CLEC2A: variants seen among roughly 807,000 people sequenced by gnomAD.
CLEC2A encodes C-type lectin domain family 2 member A.
A neutral mutation model predicts 18.6 loss-of-function variants in CLEC2A; 19 were observed. The observed-to-expected ratio is 1.02, with a 90% confidence interval of 0.71 to 1.50. CLEC2A has a LOEUF of 1.50. CLEC2A is among the 40% of genes most tolerant of loss of function. CLEC2A has a pLI of 0.00. For synonymous variants in CLEC2A, 74 were observed against 64.0 expected (o/e 1.16, Z -0.75); for missense variants, 190 against 207.9 (o/e 0.91, Z 0.53).
intron 4 of CLEC2A, among the ~76,000 whole-genome samples, chr12:9,901,554 A>C (rs988108925): frequency 6.6e-6 from 1 of 152,194 alleles, no homozygotes; most frequent in African/African-American, 2.4e-5. Flanking sequence ...ATTGAACAAC[A>C]TTTTGGCAAT....
chr12:9,927,280 C>T (rs536749822), intron 1 of CLEC2A, among the ~76,000 whole-genome samples: 5 of 152,156 alleles, frequency 3.3e-5, no homozygotes, highest in Admixed American at 6.5e-5. Flanking sequence ...TAAATGCTTG[C>T]GTCTAAACAT....
chr12:9,897,864 C>T (rs1229793486), downstream of CLEC2A, among the ~76,000 whole-genome samples: 3 of 152,158 alleles, frequency 2.0e-5, no homozygotes, highest in Non-Finnish European at 4.4e-5. Flanking sequence ...ATCTATCATA[C>T]ACGTTTTCTA....
chr12:9,929,891 C>T (rs1315069111), intron 1 of CLEC2A, among the ~76,000 whole-genome samples: 1 of 151,884 alleles, frequency 6.6e-6, no homozygotes, highest in African/African-American at 2.4e-5. Flanking sequence ...TTCTATAATT[C>T]TATAATTATT....
chr12:9,898,994 C>G, intron 4 of CLEC2A: 1 of 711,058 alleles, frequency 1.4e-6, no homozygotes, highest in Non-Finnish European at 2.6e-6. Flanking sequence ...CAAGAACAGA[C>G]AAACCGGATT....
At chr12:9,899,454 G>C (rs1432125282) in intron 4 of CLEC2A, among the ~76,000 whole-genome samples, 5 of 152,192 alleles carry the variant, frequency 3.3e-5, no homozygotes, top group African/African-American at 1.2e-4. Flanking sequence ...TTTGAAAGGG[G>C]CACAGACTGA....
At chr12:9,925,421 T>C (rs564908135) in intron 2 of CLEC2A, among the ~76,000 whole-genome samples, 27 of 152,348 alleles carry the variant, frequency 1.8e-4, no homozygotes, top group Admixed American at 1.8e-3. Context: ...ATTAGAGTTA[T>C]ACAGCCAAGG....
At chr12:9,895,545 T>C (rs575375041), downstream of CLEC2A, 25 of 661,510 alleles carry the variant, frequency 3.8e-5, no homozygotes, top group East Asian at 6.7e-4. Context: ...AGAGGCTGCA[T>C]TAGCAATGAA....
intron 4 of CLEC2A, among the ~76,000 whole-genome samples, chr12:9,914,334 A>T (rs1216322609): frequency 1.3e-5 from 2 of 152,198 alleles, no homozygotes; most frequent in Non-Finnish European, 2.9e-5. Flanking sequence ...ACTACCTTTG[A>T]CATTCTCCAC....
the CLEC2A span, among the ~76,000 whole-genome samples, chr12:9,892,817 C>G: frequency 6.6e-6 from 1 of 151,392 alleles, no homozygotes; most frequent in Non-Finnish European, 1.5e-5. Flanking sequence ...CTCCCGACCT[C>G]AGGTGATCCA....
In CLEC2A at chr12:9,916,870, C is replaced by A. The variant is rs562093449; in HGVS notation, c.307-67G>T. ...ACAGCACATTGCTGAACATGCTTCC[C>A]ACCCCAATTATTCTATCTTTTAGGA... On this transcript the variant is annotated intron_variant, in intron 3 of 4. Transcript: ENST00000455827. The A allele has an allele frequency of 5.9e-5, 53 of 901,532 alleles. No homozygotes were observed. In the African/African-American group the frequency reaches 7.7e-4, roughly 13 times the overall value. The allele number at this position is 901,532 out of a possible 1,614,324, so 55.8% of individuals were successfully genotyped here.
chr12:9,898,712 T>C (rs1367629213), exon 5 of CLEC2A: 2 of 483,162 alleles, frequency 4.1e-6, no homozygotes, highest in Non-Finnish European at 7.5e-6. Flanking sequence ...TATCAAAATT[T>C]ATAGCCTATT....
At chr12:9,927,026 T>C (rs967854670) in intron 1 of CLEC2A, among the ~76,000 whole-genome samples, 7 of 151,786 alleles carry the variant, frequency 4.6e-5, no homozygotes, top group African/African-American at 1.7e-4. Flanking sequence ...AGAATGTGCG[T>C]GTATGTGTGT....
At chr12:9,899,782 A>C (rs2137011813) in intron 4 of CLEC2A, among the ~76,000 whole-genome samples, 1 of 152,330 alleles carries the variant, frequency 6.6e-6, no homozygotes, top group East Asian at 1.9e-4. Context: ...TTTATCCATG[A>C]ACCAGGAAGC....
the CLEC2A span, among the ~76,000 whole-genome samples, chr12:9,884,682 A>G: frequency 6.6e-6 from 1 of 150,380 alleles, no homozygotes; most frequent in Non-Finnish European, 1.5e-5. Context: ...ATGGAATTTA[A>G]GACATCATTT....
chr12:9,881,604 T>G, the CLEC2A span: 2 of 1,533,538 alleles, frequency 1.3e-6, no homozygotes, highest in Non-Finnish European at 1.7e-6. Context: ...AGATGGAGAA[T>G]GAAGATGGGT....
At chr12:9,920,215 C>T (rs1863144907) in intron 3 of CLEC2A, among the ~76,000 whole-genome samples, 1 of 152,164 alleles carries the variant, frequency 6.6e-6, no homozygotes, top group Admixed American at 6.5e-5. Flanking sequence ...TGGATTCAGC[C>T]CCTTTACTAG....
the CLEC2A span, among the ~76,000 whole-genome samples, chr12:9,883,888 C>A: frequency 1.3e-5 from 2 of 152,062 alleles, no homozygotes; most frequent in African/African-American, 2.4e-5. Context: ...TTTATTATGA[C>A]TTAGAAGACA....
chr12:9,913,720 C>T (rs964336867), intron 4 of CLEC2A, 40 bp from the exon 5 acceptor site: 19 of 1,268,744 alleles, frequency 1.5e-5, no homozygotes, highest in Middle Eastern at 1.9e-4. Flanking sequence ...GAACCACTTA[C>T]GGCTGTAATC....
chr12:9,923,964 G>T (rs1229811996), intron 2 of CLEC2A, among the ~76,000 whole-genome samples: 1 of 151,792 alleles, frequency 6.6e-6, no homozygotes, highest in African/African-American at 2.4e-5. Flanking sequence ...CCCCCCTGTC[G>T]TGGGGTTGGG....
Sources: gnomAD v4.1 joint callset for allele counts (sites outside exome capture counted in the v4.1 genomes callset) on GRCh38, gnomAD v4.1.1 for gene constraint, MANE v1.5 for transcripts, NCBI Gene and HGNC (gene_info 2026-07-23, HGNC 2026-07-21) for gene names.